The following AGAP1 variants were observed in gnomAD, a reference collection of about 807,000 sequenced individuals.
AGAP1 encodes the protein arf-GAP with GTPase, ANK repeat and PH domain-containing protein 1.
Under a neutral mutation model 105.3 loss-of-function variants are expected in AGAP1, and 29 were observed. That is an observed-to-expected ratio of 0.28 (90% confidence interval 0.21 to 0.38). AGAP1 has a LOEUF of 0.38. Among genes scored for constraint, AGAP1 ranks in the 10% least tolerant of loss-of-function variants. The pLI, the probability that AGAP1 is intolerant of heterozygous loss-of-function variation, is 1.00. For synonymous variants in AGAP1, 509 were observed against 485.9 expected (o/e 1.05, Z -0.63); for missense variants, 998 against 1,165.1 (o/e 0.86, Z 2.09).
chr2:236,110,026 G>A (rs1047019294), intron 16 of AGAP1, among the ~76,000 whole-genome samples: 3 of 152,202 alleles, frequency 2.0e-5, no homozygotes, highest in African/African-American at 7.2e-5. Flanking sequence ...TAATTTGGGA[G>A]GCATCAGATC....
intron 9 of AGAP1, among the ~76,000 whole-genome samples, chr2:235,869,453 T>C (rs868450239): frequency 1.5e-5 from 1 of 66,516 alleles, no homozygotes; most frequent in East Asian, 6.1e-4. Flanking sequence ...AAAAAAAAAT[T>C]AGCCGGGCGT....
At chr2:235,514,586 C>G (rs991237942) in intron 1 of AGAP1, among the ~76,000 whole-genome samples, 2 of 152,258 alleles carry the variant, frequency 1.3e-5, no homozygotes, top group East Asian at 3.9e-4. Flanking sequence ...CCTTGGCAAG[C>G]CTCTTTTAAC....
intron 9 of AGAP1, among the ~76,000 whole-genome samples, chr2:235,841,347 C>A (rs533813302): frequency 5.8e-4 from 89 of 152,290 alleles, no homozygotes; most frequent in South Asian, 1.7e-3. Flanking sequence ...TAGTAGCTTA[C>A]GGGCCTGATG....
At chr2:236,049,304 G>T in intron 16 of AGAP1, 23 bp downstream of exon 16, 1 of 1,598,096 alleles carries the variant, frequency 6.3e-7, no homozygotes, top group Non-Finnish European at 8.6e-7. Flanking sequence ...GAAGATGCCT[G>T]GCTCCCGACA....
intron 1 of AGAP1, among the ~76,000 whole-genome samples, chr2:235,677,957 A>T (rs1451900856): frequency 6.4e-4 from 71 of 110,170 alleles, no homozygotes; most frequent in African/African-American, 2.3e-3. Flanking sequence ...AAAAAAAAAA[A>T]GCAAAACCAG....
At position 235,962,704 on chromosome 2, in the gene AGAP1, C is replaced by T. The variant is rs1289723409; in HGVS notation, c.1484-5758C>T. On this transcript the variant is annotated intron_variant, in intron 12 of 17. Coordinates refer to ENST00000304032, the MANE Select transcript of AGAP1 (RefSeq NM_001037131.3). This position sits in a 1 kb window ranked among gnomAD's most constrained non-coding sequence, Gnocchi z 5.3. ...CCCAGGAGGCTGAGATGCAGACAGA[C>T]CAAAATTCCAAAGGAGGTGTGTGCG... 6.6e-6 allele frequency among the ~76,000 whole-genome samples: 1 copy of T among 152,094 alleles called. No homozygotes were observed. The highest frequency in any genetic ancestry group is 2.4e-5 in the African/African-American group (1 of 41,404).
intron 12 of AGAP1, among the ~76,000 whole-genome samples, chr2:235,954,399 A>G (rs939771634): frequency 1.3e-5 from 2 of 151,984 alleles, no homozygotes; most frequent in African/African-American, 4.8e-5. Flanking sequence ...CAGCCCTCCA[A>G]GCGCTGCTCA....
rs529696739 is a variant in AGAP1 at position 235,768,674 on chromosome 2, C to G, written c.673+18186C>G. Among the ~76,000 whole-genome samples, 102 of 152,342 alleles carry G rather than the reference C, an allele frequency of 6.7e-4. 1 individual carries two copies. Among genetic ancestry groups the G allele is most frequent in the African/African-American group, 2.4e-3 (100 of 41,582 alleles). Reference sequence around the variant, plus strand: ...TCGAATCAGTAAACTCCGGCGGCATCCAGGGATGTGCACGGTGCCGGGGCA... The same window carrying G: ...TCGAATCAGTAAACTCCGGCGGCATGCAGGGATGTGCACGGTGCCGGGGCA... On this transcript the variant is annotated intron_variant, in intron 6 of 17. Coordinates refer to ENST00000304032, the MANE Select transcript of AGAP1 (RefSeq NM_001037131.3).
In AGAP1 at chr2:236,050,875, G is replaced by GC. The variant is rs1461477252; in HGVS notation, c.2114+1594_2114+1595insC. Reference sequence around the variant, plus strand: ...CGGGTTCATGTTTTACCTGATAAATGTTTTATAATTTCATCTTCATTCATA... The same window carrying GC: ...CGGGTTCATGTTTTACCTGATAAATGCTTTTATAATTTCATCTTCATTCATA... On this transcript the variant is annotated intron_variant, in intron 16 of 17. Coordinates refer to ENST00000304032, the MANE Select transcript of AGAP1 (RefSeq NM_001037131.3). This position sits in a 1 kb window ranked among gnomAD's most constrained non-coding sequence, Gnocchi z 4.0. Among the ~76,000 whole-genome samples the GC allele has an allele frequency of 1.3e-5, 2 of 152,204 alleles. No homozygotes were observed. Among genetic ancestry groups the GC allele is most frequent in the African/African-American group, 4.8e-5 (2 of 41,458 alleles).
intron 9 of AGAP1, among the ~76,000 whole-genome samples, chr2:235,834,467 C>T: frequency 6.6e-6 from 1 of 152,232 alleles, no homozygotes; most frequent in East Asian, 1.9e-4. Context: ...TGCACCCACC[C>T]AGGCCACAGA....
intron 2 of AGAP1, 146 bp downstream of exon 2, chr2:235,709,383 A>T: frequency 1.1e-6 from 1 of 926,704 alleles, no homozygotes. Flanking sequence ...GGCCAGGTAT[A>T]GTTGATAGCT....
At chr2:235,590,963 C>T (rs1296896093) in intron 1 of AGAP1, among the ~76,000 whole-genome samples, 3 of 151,368 alleles carry the variant, frequency 2.0e-5, no homozygotes, top group African/African-American at 7.3e-5. Context: ...CCTCGTGATC[C>T]GCCTGTCTCG....
chr2:235,956,706 A>C (rs1485584692), intron 12 of AGAP1, among the ~76,000 whole-genome samples: 1 of 152,182 alleles, frequency 6.6e-6, no homozygotes, highest in African/African-American at 2.4e-5. Context: ...CCTTCAGGGT[A>C]GGGCCCCATG....
chr2:235,651,212 A>AAAAAAG (rs1947579389), intron 1 of AGAP1, among the ~76,000 whole-genome samples: 1 of 134,660 alleles, frequency 7.4e-6, no homozygotes, highest in South Asian at 2.2e-4. Context: ...AAAAAAAAAA[A>AAAAAAG]AAAAAGAGAC....
rs959699661 is a variant in AGAP1, at chr2:236,003,965, G to C, written c.1646-32596G>C. On this transcript the variant is annotated intron_variant, in intron 13 of 17. Coordinates refer to ENST00000304032, the MANE Select transcript of AGAP1 (RefSeq NM_001037131.3). This position sits in a 1 kb window ranked among gnomAD's most constrained non-coding sequence, Gnocchi z 4.2. ...ATGGCTCTGTGGAATGGGCGGTTTA[G>C]TATTCCTTTTTCTGGCAACTCACTT... Among the ~76,000 whole-genome samples, 1 of 152,186 alleles carries C rather than the reference G, an allele frequency of 6.6e-6. No homozygotes were observed. The highest frequency in any genetic ancestry group is 2.4e-5 in the African/African-American group (1 of 41,444).
intron 16 of AGAP1, among the ~76,000 whole-genome samples, chr2:236,074,744 A>G (rs1411922573): frequency 6.6e-6 from 1 of 152,206 alleles, no homozygotes; most frequent in Admixed American, 6.5e-5. Flanking sequence ...GAATTAACAT[A>G]AAGGTTGAGT....
intron 1 of AGAP1, among the ~76,000 whole-genome samples, chr2:235,595,593 G>A (rs942163420): frequency 6.6e-6 from 1 of 152,178 alleles, no homozygotes; most frequent in Non-Finnish European, 1.5e-5. Context: ...ATTTTTGGGG[G>A]ACTCATTTCC....
chr2:235,773,731 C>T lies in AGAP1; in HGVS notation c.673+23243C>T, dbSNP rs192444394. ...TGGGAATGGACTGGTGAGTCATGTC[C>T]TCTCCTATGGAAGTTTCCTGAGATG... On this transcript the variant is annotated intron_variant, in intron 6 of 17. Transcript: ENST00000304032. The T allele has an allele frequency of 2.2e-3, 785 of 358,046 alleles. 6 individuals are homozygous for T. The highest frequency in any genetic ancestry group is 1.9e-3 in the Non-Finnish European group (340 of 182,948). The allele number at this position is 358,046 out of a possible 1,614,324, so 22.2% of individuals were successfully genotyped here.
rs1361601814 is a variant in AGAP1 at position 235,716,291 on chromosome 2, G to A, written c.223-1266G>A. On this transcript the variant is annotated intron_variant, in intron 2 of 17. Coordinates refer to ENST00000304032, the MANE Select transcript of AGAP1 (RefSeq NM_001037131.3). This position sits in a 1 kb window ranked among gnomAD's most constrained non-coding sequence, Gnocchi z 4.0. ...AAGAACCCACAGGGCTGGGAGGGAG[G>A]TAGAGGCGGAAGCCAGTGTGAGAGT... Among the ~76,000 whole-genome samples, 1 of 152,198 alleles carries A rather than the reference G, an allele frequency of 6.6e-6. No individual in the cohort carries two copies. Among genetic ancestry groups the A allele is most frequent in the Admixed American group, 6.5e-5 (1 of 15,288 alleles).
Sources: gnomAD v4.1 joint callset for allele counts (sites outside exome capture counted in the v4.1 genomes callset) on GRCh38, gnomAD v4.1.1 for gene constraint, Gnocchi (gnomAD v3.1) non-coding constraint, MANE v1.5 for transcripts, NCBI Gene and HGNC (gene_info 2026-07-23, HGNC 2026-07-21) for gene names.